Variants in TMEM116 observed in about 807,000 individuals in gnomAD.
TMEM116 encodes the protein transmembrane protein 116.
TMEM116 carries 38 observed loss-of-function variants against 44.3 expected under a neutral mutation model. That is an observed-to-expected ratio of 0.86 (90% CI 0.66 to 1.12). TMEM116 has a LOEUF of 1.12. TMEM116 is among the 50% of genes most tolerant of loss of function. The probability of loss-of-function intolerance (pLI) is 0.00; values close to 1 mark genes in which losing one functional copy is unlikely to be tolerated. For synonymous variants in TMEM116, 132 were observed against 144.8 expected (o/e 0.91, Z 0.64); for missense variants, 354 against 401.7 (o/e 0.88, Z 1.01).
intron 3 of TMEM116, 171 bp downstream of exon 3, chr12:112,003,629 A>C: frequency 1.3e-6 from 1 of 758,654 alleles, no homozygotes; most frequent in Non-Finnish European, 1.9e-6. Flanking sequence ...ATAATTACCT[A>C]GAAGAAAAGG....
chr12:111,993,946 A>C, intron 3 of TMEM116: 1 of 644,120 alleles, frequency 1.6e-6, no homozygotes. Flanking sequence ...TATGACTGGT[A>C]CTCTGACTGC....
At chr12:111,936,173 C>T (rs2072149122) in intron 8 of TMEM116, 1 of 152,136 alleles carries the variant, frequency 6.6e-6, no homozygotes, top group Non-Finnish European at 1.5e-5. Context: ...AACTTACTAT[C>T]CCCTGGCTAA....
At chr12:111,942,199 G>A (rs1214746752) in intron 5 of TMEM116, among the ~76,000 whole-genome samples, 1 of 152,044 alleles carries the variant, frequency 6.6e-6, no homozygotes, top group African/African-American at 2.4e-5. Context: ...TGGCTTCCCA[G>A]AGTGCTAGGA....
intron 6 of TMEM116, 35 bp downstream of exon 6, chr12:111,938,126 C>T (rs2136239095): frequency 6.7e-7 from 1 of 1,489,018 alleles, no homozygotes; most frequent in East Asian, 2.3e-5. Context: ...TAATGAGAGT[C>T]TACACCTCGC....
intron 4 of TMEM116, among the ~76,000 whole-genome samples, chr12:111,985,742 G>A (rs1593539720): frequency 6.6e-6 from 1 of 151,870 alleles, no homozygotes; most frequent in Non-Finnish European, 1.5e-5. Context: ...AATTATAGGC[G>A]CACACCACCA....
intron 4 of TMEM116, among the ~76,000 whole-genome samples, chr12:111,985,149 T>C (rs1334719282): frequency 2.0e-5 from 3 of 152,138 alleles, no homozygotes; most frequent in South Asian, 2.1e-4. Context: ...CTATTCAACA[T>C]AGTTTTGGAA....
Position 112,005,176 on chromosome 12 carries a change from C to T in TMEM116, c.14+81G>A. ...TTAACTAAAGAGTAAAAGCAAATCCCCAAGGGGGAAATGTGGAAAACTACA... is the reference window on the plus strand; with the variant it reads ...TTAACTAAAGAGTAAAAGCAAATCCTCAAGGGGGAAATGTGGAAAACTACA... On this transcript the variant is annotated intron_variant, in intron 2 of 10. Coordinates refer to ENST00000552374, the MANE Select transcript of TMEM116 (RefSeq NM_001193531.2). 4 of 982,344 alleles carry T rather than the reference C, an allele frequency of 4.1e-6. No individual in the cohort carries two copies. The South Asian group carries it at 7.9e-5, about 19-fold the overall frequency. The allele number at this position is 982,344 out of a possible 1,614,324, so 60.9% of individuals were successfully genotyped here.
intron 4 of TMEM116, among the ~76,000 whole-genome samples, chr12:111,982,089 A>G (rs1044035984): frequency 2.6e-5 from 4 of 152,158 alleles, no homozygotes; most frequent in African/African-American, 4.8e-5. Context: ...TCAGTTAGAT[A>G]GGAGAAAAAA....
At chr12:111,968,475 C>T (rs2075112204) in intron 4 of TMEM116, among the ~76,000 whole-genome samples, 1 of 152,102 alleles carries the variant, frequency 6.6e-6, no homozygotes. Context: ...AAATATCTAG[C>T]ACCCAAGAAG....
intron 4 of TMEM116, among the ~76,000 whole-genome samples, chr12:111,949,522 T>A (rs2073550392): frequency 6.6e-6 from 1 of 152,230 alleles, no homozygotes; most frequent in Non-Finnish European, 1.5e-5. Context: ...TTGCTATTCC[T>A]GCTGCACTTA....
chr12:111,948,378 A>C (rs765029032), intron 4 of TMEM116, among the ~76,000 whole-genome samples: 1 of 152,216 alleles, frequency 6.6e-6, no homozygotes, highest in Non-Finnish European at 1.5e-5. Context: ...CATTCTAAAC[A>C]AAGGGCTAGA....
intron 10 of TMEM116, 54 bp from the exon 11 acceptor site, chr12:111,931,881 G>A (rs2071677335): frequency 1.6e-6 from 2 of 1,266,498 alleles, no homozygotes; most frequent in South Asian, 1.6e-5. Flanking sequence ...CAGGGATCCA[G>A]GGAATAATTC....
At chr12:111,986,093 C>T (rs892901821) in intron 4 of TMEM116, among the ~76,000 whole-genome samples, 9 of 151,956 alleles carry the variant, frequency 5.9e-5, no homozygotes, top group Non-Finnish European at 1.0e-4. Context: ...TGATGGCTCA[C>T]GCCTGTATTC....
At chr12:111,941,642 C>G (rs2072831408) in intron 5 of TMEM116, among the ~76,000 whole-genome samples, 1 of 152,082 alleles carries the variant, frequency 6.6e-6, no homozygotes, top group African/African-American at 2.4e-5. Context: ...TTGAACAGCT[C>G]TTATATAGAC....
intron 4 of TMEM116, among the ~76,000 whole-genome samples, chr12:111,964,854 AT>A (rs1216765351): frequency 9.0e-5 from 13 of 144,530 alleles, no homozygotes; most frequent in East Asian, 2.1e-4. Context: ...TGCCCAGCTA[AT>A]TTAAAAAAAA....
chr12:111,938,326 C>T, intron 5 of TMEM116, 116 bp from the exon 6 acceptor site: 1 of 682,440 alleles, frequency 1.5e-6, no homozygotes, highest in Non-Finnish European at 2.3e-6. Context: ...AGCCAGTTTG[C>T]TTCTGTCAAG....
chr12:111,953,234 T>C (rs919657061), intron 4 of TMEM116, among the ~76,000 whole-genome samples: 1 of 152,190 alleles, frequency 6.6e-6, no homozygotes, highest in African/African-American at 2.4e-5. Flanking sequence ...CAAATGTGAC[T>C]AAAAGAGTTT....
At chr12:111,951,084 A>G (rs770695634) in intron 4 of TMEM116, among the ~76,000 whole-genome samples, 1 of 152,244 alleles carries the variant, frequency 6.6e-6, no homozygotes. Context: ...AAAAAGCTCA[A>G]CATCACTGAT....
intron 4 of TMEM116, among the ~76,000 whole-genome samples, chr12:111,984,202 G>A (rs1426178631): frequency 6.6e-6 from 1 of 151,772 alleles, no homozygotes; most frequent in Non-Finnish European, 1.5e-5. Context: ...GCAAAATAAA[G>A]GCCAGTACAT....
Sources: allele counts gnomAD v4.1 joint callset (sites outside exome capture counted in the v4.1 genomes callset), GRCh38; gene constraint gnomAD v4.1.1; transcripts MANE v1.5; gene names NCBI Gene and HGNC (gene_info 2026-07-23, HGNC 2026-07-21).